Variants in GAD1 observed in about 807,000 individuals in gnomAD.
GAD1 encodes 67 kDa glutamic acid decarboxylase.
In GAD1, 35 loss-of-function variants were observed where a neutral mutation model predicts 75.2. That is an observed-to-expected ratio of 0.47 (90% confidence interval 0.36 to 0.62). GAD1 has a LOEUF of 0.62. Among genes scored for constraint, GAD1 ranks in the 20% least tolerant of loss-of-function variants. The pLI, the probability that GAD1 is intolerant of heterozygous loss-of-function variation, is 0.00. For synonymous variants in GAD1, 257 were observed against 271.9 expected, an observed-to-expected ratio of 0.95 and a Z score of 0.54; for missense variants, 490 against 758.5, an observed-to-expected ratio of 0.65 and a Z score of 4.16.
rs143813578 is a variant in GAD1 at position 170,832,011 on chromosome 2, A to G, written c.547+819A>G. Among the ~76,000 whole-genome samples, 148 of 152,100 alleles carry G rather than the reference A, an allele frequency of 9.7e-4. 1 individual carries two copies. Among genetic ancestry groups the G allele is most frequent in the Admixed American group, 3.6e-3 (55 of 15,270 alleles). ...TTGGATTTAGGCTATTCACAACCTA[A>G]AGAGAGCAGAATGACCCATCCTCTG... is the stretch of plus-strand genomic sequence containing the variant. On this transcript the variant is annotated intron_variant, in intron 5 of 16. Transcript: ENST00000358196.
rs551445352 is a variant in GAD1 at position 170,847,792 on chromosome 2, T to C, written c.1119T>C (p.Asp373=). Residue 373 remains aspartate (D), a splice_region_variant and synonymous_variant, in exon 11 of 17, where the codon GAT becomes GAC. Coordinates refer to ENST00000358196, the MANE Select transcript of GAD1 (RefSeq NM_000817.3). ...CEKYNLWLHV[D]AAWGGGLLMS... is the part of the protein sequence containing the mutation. ...AATATAACCTTTGGTTGCATGTCGA[T>C]GTAAGTGCTATATAACTCAGGCCAG... 6.2e-7 allele frequency: 1 copy of C among 1,601,592 alleles called. No homozygotes were observed. Among genetic ancestry groups the C allele is most frequent in the East Asian group, 2.2e-5 (1 of 44,824 alleles).
intron 5 of GAD1, 136 bp from the exon 6 acceptor site, chr2:170,836,657 T>C (rs952319443): frequency 5.6e-6 from 4 of 712,882 alleles, no homozygotes; most frequent in Non-Finnish European, 1.0e-5. Flanking sequence ...CCTTTTTCAA[T>C]ATCCTTGAGC....
At chr2:170,854,567 A>AT (rs869297074) in intron 14 of GAD1, among the ~76,000 whole-genome samples, 1 of 152,156 alleles carries the variant, frequency 6.6e-6, no homozygotes, top group South Asian at 2.1e-4. Context: ...CGCCCGGCTA[A>AT]TTTTTTAAAA....
At position 170,844,138 on chromosome 2, in the gene GAD1, T is replaced by C. The variant is rs2105797843; in HGVS notation, c.732T>C (p.Gly244=). Residue 244 remains glycine, a synonymous_variant, in exon 7 of 17, where the codon GGT becomes GGC. Transcript: ENST00000358196. ...REIVGWSSKD[G]DGIFSPGGAI... The stretch of plus-strand genomic sequence containing the variant: ...TAGTTGGATGGTCAAGTAAAGATGG[T>C]GATGGGATATTTTCTCCTGGTAGGT... 6.3e-7 allele frequency: 1 copy of C among 1,588,684 alleles called. No homozygotes were observed. The highest frequency in any genetic ancestry group is 8.6e-7 in the Non-Finnish European group (1 of 1,156,824).
intron 9 of GAD1, 82 bp downstream of exon 9, chr2:170,845,867 C>A: frequency 1.4e-6 from 2 of 1,477,506 alleles, no homozygotes; most frequent in Non-Finnish European, 1.9e-6. Flanking sequence ...TGCTTAAGGA[C>A]TGGCTCAGTA....
chr2:170,826,032 G>C (rs1054037221), intron 3 of GAD1, among the ~76,000 whole-genome samples: 2 of 152,138 alleles, frequency 1.3e-5, no homozygotes, highest in Non-Finnish European at 2.9e-5. Context: ...GCCAAGGGAG[G>C]CCTGGTTCAC....
chr2:170,837,554 A>C (rs45559532), intron 6 of GAD1, among the ~76,000 whole-genome samples: 1 of 152,158 alleles, frequency 6.6e-6, no homozygotes, highest in Non-Finnish European at 1.5e-5. Flanking sequence ...CTCTACATGC[A>C]TGTGCCCTCT....
At position 170,844,063 on chromosome 2, in the gene GAD1, A is replaced by T; in HGVS notation, c.657A>T (p.Ala219=). ...TTTCCAGGTTTACATATGAAATTGC[A>T]CCAGTGTTTGTCCTCATGGAACAAA... ...ANTNMFTYEI[A]PVFVLMEQIT... The change falls in exon 7 of 17, where the codon GCA becomes GCT. Residue 219 remains alanine (A), a synonymous_variant. Coordinates refer to ENST00000358196, the MANE Select transcript of GAD1 (RefSeq NM_000817.3). 1 of 1,600,018 alleles carries T rather than the reference A, an allele frequency of 6.2e-7. No individual in the cohort carries two copies. The highest frequency in any genetic ancestry group is 1.1e-5 in the South Asian group (1 of 90,768).
At chr2:170,848,506 A>AG (rs1702682495) in intron 11 of GAD1, among the ~76,000 whole-genome samples, 1 of 151,764 alleles carries the variant, frequency 6.6e-6, no homozygotes, top group African/African-American at 2.4e-5. Flanking sequence ...CAAAAAAAAA[A>AG]AAAAAAGAAA....
At position 170,829,653 on chromosome 2, in the gene GAD1, C is replaced by T. The variant is rs774362611; in HGVS notation, c.304+20C>T. On this transcript the variant is annotated intron_variant, in intron 4 of 16. Coordinates refer to ENST00000358196, the MANE Select transcript of GAD1 (RefSeq NM_000817.3). ...CTAGAGGTAGCCCCTGCCCCACTCCCGCCCCATGCTAGCCAGTAGATTTCT... is the reference window on the plus strand; with the variant it reads ...CTAGAGGTAGCCCCTGCCCCACTCCTGCCCCATGCTAGCCAGTAGATTTCT... 2.6e-5 allele frequency: 42 copies of T among 1,610,680 alleles called. No homozygotes were observed. The highest frequency in any genetic ancestry group is 1.6e-4 in the African/African-American group (12 of 74,884).
chr2:170,851,881 C>CT (rs1702749471), intron 12 of GAD1, among the ~76,000 whole-genome samples: 1 of 152,182 alleles, frequency 6.6e-6, no homozygotes, highest in Non-Finnish European at 1.5e-5. Context: ...CAAAATCACT[C>CT]TAATTTAGCA....
intron 7 of GAD1, 91 bp downstream of exon 7, chr2:170,844,248 A>T (rs1702583196): frequency 1.3e-6 from 1 of 779,054 alleles, no homozygotes; most frequent in African/African-American, 1.7e-5. Flanking sequence ...ATGCCTTAAC[A>T]TTTTTTTTGG....
intron 6 of GAD1, among the ~76,000 whole-genome samples, chr2:170,839,533 G>A (rs1242338230): frequency 6.6e-6 from 1 of 151,730 alleles, no homozygotes; most frequent in Non-Finnish European, 1.5e-5. Context: ...AGAATCACTT[G>A]AGCCTGGGAG....
In GAD1 at chr2:170,853,422, A is replaced by G. The variant is rs1389020865; in HGVS notation, c.1264-451A>G. Reference sequence around the variant, plus strand: ...AGAATCTGCACAGCGTCTTTAGTCCACTCATATGTGGAATCCATGTTAATG... The same window carrying G: ...AGAATCTGCACAGCGTCTTTAGTCCGCTCATATGTGGAATCCATGTTAATG... On this transcript the variant is annotated intron_variant, in intron 13 of 16. Coordinates refer to ENST00000358196, the MANE Select transcript of GAD1 (RefSeq NM_000817.3). The surrounding 1 kb of genome is among the most constrained non-coding windows in gnomAD (Gnocchi z 4.1). The G allele has an allele frequency of 4.6e-6, 1 of 217,514 alleles. No homozygotes were observed. The allele number at this position is 217,514 out of a possible 1,614,324, so 13.5% of individuals were successfully genotyped here. A position where few individuals can be genotyped will look rare whatever the true frequency, so the allele number is the denominator to read the frequency against.
chr2:170,845,206 A>G (rs895796786), intron 7 of GAD1: 6 of 462,294 alleles, frequency 1.3e-5, no homozygotes, highest in Non-Finnish European at 2.4e-5. Flanking sequence ...CTTTGCAGCC[A>G]CTGATGCAGC....
intron 1 of GAD1, 177 bp downstream of exon 1, chr2:170,817,225 A>ACCCCCCCCC (rs3049870): frequency 6.5e-5 from 1 of 15,472 alleles, no homozygotes; most frequent in Non-Finnish European, 1.9e-4. Context: ...CTGCGCAGGG[A>ACCCCCCCCC]CCCCCCCCCC....
intron 7 of GAD1, chr2:170,845,276 C>T (rs552307751): frequency 2.2e-5 from 13 of 597,130 alleles, no homozygotes; most frequent in Middle Eastern, 9.2e-4. Context: ...CACGAATCAC[C>T]TCCAGCCAAA....
At chr2:170,822,613 C>G (rs1042148235) in intron 3 of GAD1, among the ~76,000 whole-genome samples, 4 of 152,264 alleles carry the variant, frequency 2.6e-5, no homozygotes, top group Non-Finnish European at 5.9e-5. Context: ...ACGTCTCCCC[C>G]ATCCCCTACA....
At chr2:170,826,773 C>G (rs1297866301) in intron 3 of GAD1, among the ~76,000 whole-genome samples, 1 of 152,086 alleles carries the variant, frequency 6.6e-6, no homozygotes, top group African/African-American at 2.4e-5. Context: ...TTCAGCTGGG[C>G]AGGACCTCAC....
Sources: gnomAD v4.1 joint callset for allele counts (sites outside exome capture counted in the v4.1 genomes callset) on GRCh38, gnomAD v4.1.1 for gene constraint, Gnocchi (gnomAD v3.1) non-coding constraint, MANE v1.5 for transcripts, NCBI Gene and HGNC (gene_info 2026-07-23, HGNC 2026-07-21) for gene names.